Variants in UBE2Q2 observed in about 807,000 individuals in gnomAD.
The protein encoded by UBE2Q2 is ubiquitin conjugating enzyme E2 Q2, also known as ubiquitin-conjugating enzyme E2 Q2.
A neutral mutation model predicts 59.9 loss-of-function variants in UBE2Q2; 54 were observed. That is an observed-to-expected ratio of 0.90 (90% CI 0.72 to 1.13). UBE2Q2 has a LOEUF of 1.13. Ranked by LOEUF, UBE2Q2 falls within the 50% of genes most tolerant of loss-of-function variation. UBE2Q2 has a pLI of 0.00. For synonymous variants in UBE2Q2, 165 were observed against 155.2 expected (o/e 1.06, Z -0.47); for missense variants, 433 against 441.9 (o/e 0.98, Z 0.18).
intron 3 of UBE2Q2, among the ~76,000 whole-genome samples, chr15:75,866,533 G>A (rs1344027284): frequency 8.5e-5 from 13 of 152,108 alleles, no homozygotes; most frequent in African/African-American, 3.1e-4. Flanking sequence ...CTTTAGCTCA[G>A]CAGCACTTGT....
intron 9 of UBE2Q2, among the ~76,000 whole-genome samples, chr15:75,887,041 C>G (rs12915152): frequency 4.0e-5 from 6 of 151,718 alleles, no homozygotes; most frequent in African/African-American, 1.2e-4. Flanking sequence ...AAATCTGTTA[C>G]GTAGTTTCTT....
chr15:75,844,177 T>G lies in UBE2Q2; in HGVS notation c.180+331T>G, dbSNP rs1896188555. 16 of 1,438,390 alleles carry G rather than the reference T, an allele frequency of 1.1e-5. 1 individual carries two copies. Among genetic ancestry groups the G allele is most frequent in the Admixed American group, 2.7e-5 (1 of 37,662 alleles). The allele number at this position is 1,438,390 out of a possible 1,614,324, so 89.1% of individuals were successfully genotyped here. On this transcript the variant is annotated intron_variant, in intron 1 of 12. Transcript: ENST00000267938. ...GGTCCATGGCCGCCCTCAGCCGGCCTGCTCCCGGGACCGGGGCGGGGCGGG... is the reference window on the plus strand; with the variant it reads ...GGTCCATGGCCGCCCTCAGCCGGCCGGCTCCCGGGACCGGGGCGGGGCGGG...
intron 9 of UBE2Q2, among the ~76,000 whole-genome samples, chr15:75,889,478 G>A (rs1898972281): frequency 6.6e-6 from 1 of 152,176 alleles, no homozygotes. Flanking sequence ...ACACAAAGAT[G>A]CCTTTGGTTA....
intron 1 of UBE2Q2, chr15:75,844,418 C>A: frequency 1.3e-6 from 2 of 1,551,604 alleles, no homozygotes; most frequent in Non-Finnish European, 1.7e-6. Flanking sequence ...TTGAGCGACC[C>A]CTCTCCCCCG....
At chr15:75,895,777 G>A (rs975199145) in intron 11 of UBE2Q2, among the ~76,000 whole-genome samples, 2 of 152,020 alleles carry the variant, frequency 1.3e-5, no homozygotes, top group African/African-American at 4.8e-5. Flanking sequence ...TCTTACAGAT[G>A]GCTGGTGGGC....
intron 1 of UBE2Q2, among the ~76,000 whole-genome samples, chr15:75,846,796 C>T (rs1402985689): frequency 6.6e-6 from 1 of 152,176 alleles, no homozygotes; most frequent in Non-Finnish European, 1.5e-5. Flanking sequence ...CATCCTTATG[C>T]AGTTTCTCTA....
At chr15:75,885,263 G>A (rs1179379075) in intron 9 of UBE2Q2, among the ~76,000 whole-genome samples, 1 of 152,028 alleles carries the variant, frequency 6.6e-6, no homozygotes, top group Non-Finnish European at 1.5e-5. Context: ...GACTACAGGC[G>A]TGCGCCACCA....
intron 1 of UBE2Q2, among the ~76,000 whole-genome samples, chr15:75,844,869 C>T (rs1896249268): frequency 1.3e-5 from 2 of 151,934 alleles, no homozygotes; most frequent in African/African-American, 4.8e-5. Flanking sequence ...AGTGGGTACT[C>T]AAGTGCCTGC....
chr15:75,851,117 A>G lies in UBE2Q2; in HGVS notation c.181-3269A>G, dbSNP rs555574660. On this transcript the variant is annotated intron_variant, in intron 1 of 12. Transcript: ENST00000267938. ...GTGAATATTTTAATGGCCATTTTAG[A>G]TAATCCTGGATATTCTTCTTTTTTT... Among the ~76,000 whole-genome samples the G allele has an allele frequency of 2.6e-5, 4 of 151,424 alleles. No homozygotes were observed. In the South Asian group the frequency reaches 8.3e-4, roughly 32 times the overall value.
rs760860726 is a variant in UBE2Q2, at chr15:75,877,972, G to C, written c.685G>C (p.Val229Leu). 3.6e-5 allele frequency: 58 copies of C among 1,613,302 alleles called. No individual in the cohort carries two copies. Among genetic ancestry groups the C allele is most frequent in the Non-Finnish European group, 4.7e-5 (55 of 1,179,616 alleles). The change falls in exon 7 of 13, where the codon GTG (valine) becomes CTG (leucine). Residue 229 changes from valine (V) to leucine (L), a missense_variant. By Grantham distance (32) the Val-to-Leu change is conservative. Coordinates refer to ENST00000267938, the MANE Select transcript of UBE2Q2 (RefSeq NM_173469.4). ...SQSYKTGIYS[V>L]ELINDSLYDW... ...CTATATCTTAACAGGGATTTATTCA[G>C]TGGAACTCATAAATGACAGTTTATA...
chr15:75,846,526 T>A (rs1896356663), intron 1 of UBE2Q2, among the ~76,000 whole-genome samples: 1 of 152,168 alleles, frequency 6.6e-6, no homozygotes, highest in Admixed American at 6.5e-5. Context: ...CCGTAAAGAC[T>A]CTTTTAAACA....
In UBE2Q2 at chr15:75,876,275, A is replaced by C; in HGVS notation, c.673+4A>C. Reference sequence around the variant, plus strand: ...AGATCACAGAGTTATAAAACAGGTAAGGATCTCTGGATCCCTGCTCTCTTT... The same window carrying C: ...AGATCACAGAGTTATAAAACAGGTACGGATCTCTGGATCCCTGCTCTCTTT... On this transcript the variant is annotated splice_donor_region_variant and intron_variant, in intron 6 of 12. Coordinates refer to ENST00000267938, the MANE Select transcript of UBE2Q2 (RefSeq NM_173469.4). 1 of 1,610,374 alleles carries C rather than the reference A, an allele frequency of 6.2e-7. No homozygotes were observed. The highest frequency in any genetic ancestry group is 8.5e-7 in the Non-Finnish European group (1 of 1,177,236).
At chr15:75,850,940 A>G (rs1475464542) in intron 1 of UBE2Q2, among the ~76,000 whole-genome samples, 1 of 152,224 alleles carries the variant, frequency 6.6e-6, no homozygotes, top group Non-Finnish European at 1.5e-5. Context: ...TTCTAAGCCA[A>G]AAAATAGAAT....
rs182202420 is a variant in UBE2Q2 at position 75,860,504 on chromosome 15, C to G, written c.387+522C>G. On this transcript the variant is annotated intron_variant, in intron 3 of 12. Transcript: ENST00000267938. ...TAGCTCTTATACCACCCACTTACCA[C>G]TCACCTCCCCTTCCTCAAATATTAT... is the stretch of plus-strand genomic sequence containing the variant. Among the ~76,000 whole-genome samples, 264 of 152,164 alleles carry G rather than the reference C, an allele frequency of 1.7e-3. 4 individuals are homozygous for G. Among genetic ancestry groups the G allele is most frequent in the African/African-American group, 5.8e-3 (239 of 41,518 alleles).
intron 3 of UBE2Q2, among the ~76,000 whole-genome samples, chr15:75,862,294 C>A (rs185322354): frequency 6.8e-4 from 104 of 152,166 alleles, no homozygotes; most frequent in African/African-American, 2.4e-3. Flanking sequence ...ATTTTTTATT[C>A]ATATTCTATT....
At chr15:75,893,846 A>G (rs1381460198) in intron 11 of UBE2Q2, among the ~76,000 whole-genome samples, 1 of 152,228 alleles carries the variant, frequency 6.6e-6, no homozygotes, top group Non-Finnish European at 1.5e-5. Context: ...TGAAATTTTA[A>G]AATGCTTAGA....
rs564883160 is a variant in UBE2Q2 at position 75,899,577 on chromosome 15, T to C, written c.*119T>C. Reference sequence around the variant, plus strand: ...TACCGAAGATGTTAGTTAATAGATATTTTAGTGGATAATCTGTCATCTGAC... The same window carrying C: ...TACCGAAGATGTTAGTTAATAGATACTTTAGTGGATAATCTGTCATCTGAC... On this transcript the variant is annotated 3_prime_UTR_variant, in exon 13 of 13. Coordinates refer to ENST00000267938, the MANE Select transcript of UBE2Q2 (RefSeq NM_173469.4). The C allele has an allele frequency of 6.7e-6, 5 of 745,860 alleles. No individual in the cohort carries two copies. The highest frequency in any genetic ancestry group is 2.6e-5 in the Admixed American group (1 of 38,024). The allele number at this position is 745,860 out of a possible 1,614,324, so 46.2% of individuals were successfully genotyped here. A position where few individuals can be genotyped will look rare whatever the true frequency, so the allele number is the denominator to read the frequency against.
rs1896539163 is a variant in UBE2Q2, at chr15:75,849,751, C to G, written c.181-4635C>G. On this transcript the variant is annotated intron_variant, in intron 1 of 12. Coordinates refer to ENST00000267938, the MANE Select transcript of UBE2Q2 (RefSeq NM_173469.4). ...TAAAACTAATAGAATGGATGAGGAA[C>G]AAAGGACCTGAGTAATTAGATGCTT... Among the ~76,000 whole-genome samples, 3 of 152,130 alleles carry G rather than the reference C, an allele frequency of 2.0e-5. 1 individual carries two copies. The highest frequency in any genetic ancestry group is 2.0e-4 in the Admixed American group (3 of 15,266).
chr15:75,857,579 C>G (rs1278132850), intron 2 of UBE2Q2, among the ~76,000 whole-genome samples: 1 of 152,140 alleles, frequency 6.6e-6, no homozygotes, highest in East Asian at 1.9e-4. Context: ...AATTTATCTC[C>G]TAGTTGCCAA....
Sources: gnomAD v4.1 joint callset for allele counts (sites outside exome capture counted in the v4.1 genomes callset) on GRCh38, gnomAD v4.1.1 for gene constraint, MANE v1.5 for transcripts, NCBI Gene and HGNC (gene_info 2026-07-23, HGNC 2026-07-21) for gene names.